ERCC3: variants seen among roughly 807,000 people sequenced by gnomAD.
ERCC3 encodes the protein ERCC excision repair 3, TFIIH core complex helicase subunit, also known as general transcription and DNA repair factor IIH helicase/translocase subunit XPB.
Under a neutral mutation model 94.2 loss-of-function variants are expected in ERCC3, and 66 were observed. The observed-to-expected ratio is 0.70, with a 90% CI of 0.57 to 0.86. The LOEUF is 0.86. ERCC3 is among the 40% of genes least tolerant of loss of function. The pLI is 0.00. For missense variants in ERCC3, 829 were observed against 987.1 expected, an observed-to-expected ratio of 0.84 and a Z score of 2.15; for synonymous variants, 349 against 369.1, an observed-to-expected ratio of 0.95 and a Z score of 0.63.
At position 127,292,685 on chromosome 2, in the gene ERCC3, T is replaced by A; in HGVS notation, c.396A>T (p.Gln132His). ...SLYAAVSVGLQTSDITEYLRK... is the reference protein window; with the variant it reads ...SLYAAVSVGLHTSDITEYLRK... ...TGAGGTACTCGGTGATGTCACTGGTTTGCAGCCCAACGCTGACAGCTGCAT... is the reference window on the plus strand; with the variant it reads ...TGAGGTACTCGGTGATGTCACTGGTATGCAGCCCAACGCTGACAGCTGCAT... Residue 132 changes from glutamine to histidine, a missense_variant, in exon 3 of 15, where the codon CAA (glutamine) becomes CAT (histidine). Transcript: ENST00000285398. 1 of 1,614,206 alleles carries A rather than the reference T, an allele frequency of 6.2e-7. No individual in the cohort carries two copies. The highest frequency in any genetic ancestry group is 8.5e-7 in the Non-Finnish European group (1 of 1,180,020).
Position 127,259,628 on chromosome 2 carries a change from C to T in ERCC3, c.2065-180G>A. 1 of 728,464 alleles carries T rather than the reference C, an allele frequency of 1.4e-6. No homozygotes were observed. Among genetic ancestry groups the T allele is most frequent in the South Asian group, 1.6e-5 (1 of 64,226 alleles). The allele number at this position is 728,464 out of a possible 1,614,324, so 45.1% of individuals were successfully genotyped here. ...GACCAGCATCAGGAGCCGCCTTTAA[C>T]AGGGAGCTTGACTAATGATCTCAAG... On this transcript the variant is annotated intron_variant, in intron 13 of 14. Transcript: ENST00000285398. This position sits in a 1 kb window ranked among gnomAD's most constrained non-coding sequence, Gnocchi z 4.9.
chr2:127,289,154 G>A (rs183878634), intron 6 of ERCC3, among the ~76,000 whole-genome samples, 183 bp downstream of exon 6: 1 of 152,208 alleles, frequency 6.6e-6, no homozygotes, highest in African/African-American at 2.4e-5. Context: ...GAGGACACTG[G>A]GACTTTAACT....
intron 10 of ERCC3, among the ~76,000 whole-genome samples, chr2:127,276,201 C>G (rs945760499): frequency 2.0e-5 from 3 of 152,278 alleles, no homozygotes; most frequent in South Asian, 4.1e-4. Context: ...AAGAAACCGT[C>G]CAGCCCAAGA....
chr2:127,292,406 T>C, intron 3 of ERCC3: 1 of 642,980 alleles, frequency 1.6e-6, no homozygotes, highest in South Asian at 1.7e-5. Flanking sequence ...ATCCAGAGTG[T>C]AGCGGCTCAT....
intron 8 of ERCC3, among the ~76,000 whole-genome samples, chr2:127,285,818 T>A (rs1053594308): frequency 1.3e-5 from 2 of 151,466 alleles, no homozygotes; most frequent in African/African-American, 4.9e-5. Flanking sequence ...ACGACTGCAC[T>A]CCAGCCTGGG....
At position 127,257,917 on chromosome 2, in the gene ERCC3, C is replaced by T. The variant is rs1400574731; in HGVS notation, c.2218-190G>A. ...TTTACATGCATTATCTCCTCTAATC[C>T]TCAAAACTACTATAATCCACACCTG... On this transcript the variant is annotated intron_variant, in intron 14 of 14. Coordinates refer to ENST00000285398, the MANE Select transcript of ERCC3 (RefSeq NM_000122.2). This position sits in a 1 kb window ranked among gnomAD's most constrained non-coding sequence, Gnocchi z 5.4. Among the ~76,000 whole-genome samples the T allele has an allele frequency of 6.6e-6, 1 of 152,052 alleles. No homozygotes were observed. Among genetic ancestry groups the T allele is most frequent in the Non-Finnish European group, 1.5e-5 (1 of 68,020 alleles).
intron 10 of ERCC3, among the ~76,000 whole-genome samples, chr2:127,278,114 T>G (rs1684789530): frequency 6.6e-6 from 1 of 151,886 alleles, no homozygotes. Context: ...GGTGCGTGCC[T>G]GTAGACCCAG....
At position 127,283,143 on chromosome 2, in the gene ERCC3, T is replaced by TG. The variant is rs374437598; in HGVS notation, c.1343-2513dup. Reference sequence around the variant, plus strand: ...AGTAAAACTGACTTGGGGCGGGGGGTGGGGGGGGCACTTCTATGCATTTTA... The same window carrying TG: ...AGTAAAACTGACTTGGGGCGGGGGGTGGGGGGGGGCACTTCTATGCATTTTA... On this transcript the variant is annotated intron_variant, in intron 8 of 14. Transcript: ENST00000285398. Among the ~76,000 whole-genome samples, 321 of 65,070 alleles carry TG rather than the reference T, an allele frequency of 4.9e-3. 1 individual carries two copies. Among genetic ancestry groups the TG allele is most frequent in the African/African-American group, 0.015 (248 of 16,152 alleles). 42.7% of individuals were successfully genotyped at this position (65,070 alleles called of 152,430 possible). A position where few individuals can be genotyped will look rare whatever the true frequency, so the allele number is the denominator to read the frequency against.
At chr2:127,268,407 C>T (rs1040838584) in intron 12 of ERCC3, among the ~76,000 whole-genome samples, 5 of 152,012 alleles carry the variant, frequency 3.3e-5, no homozygotes, top group Non-Finnish European at 7.4e-5. Flanking sequence ...TACAGGCGCA[C>T]ACCACCACAC....
At chr2:127,287,615 C>T (rs775550829) in intron 7 of ERCC3, among the ~76,000 whole-genome samples, 8 of 152,082 alleles carry the variant, frequency 5.3e-5, no homozygotes, top group Admixed American at 1.3e-4. Context: ...GCATGGGCAA[C>T]GGAGCAAGAC....
chr2:127,287,094 G>T, intron 7 of ERCC3, 77 bp from the exon 8 acceptor site: 1 of 1,138,740 alleles, frequency 8.8e-7, no homozygotes, highest in Non-Finnish European at 1.3e-6. Context: ...TGACTCACAA[G>T]TACAGCAATC....
At chr2:127,266,083 T>G (rs1361294306) in intron 12 of ERCC3, among the ~76,000 whole-genome samples, 3 of 132,364 alleles carry the variant, frequency 2.3e-5, no homozygotes, top group African/African-American at 5.8e-5. Context: ...ATTGTGTGGG[T>G]TTTTTTTTTT....
At chr2:127,293,945 A>C in intron 1 of ERCC3, 109 bp downstream of exon 1, 1 of 1,538,400 alleles carries the variant, frequency 6.5e-7, no homozygotes, top group Non-Finnish European at 8.7e-7. Flanking sequence ...TGCGCGCGGG[A>C]GGGCCAGCAG....
Position 127,292,649 on chromosome 2 carries a change from G to A in ERCC3, c.432C>T (p.Ser144=). Residue 144 remains serine, a synonymous_variant, in exon 3 of 15, where the codon AGC becomes AGT. Coordinates refer to ENST00000285398, the MANE Select transcript of ERCC3 (RefSeq NM_000122.2). ...SDITEYLRKL[S]KTGVPDGIMQ... ...TAATTCCATCAGGGACTCCAGTCTT[G>A]CTGAGCTTCCTGAGGTACTCGGTGA... The A allele has an allele frequency of 6.2e-7, 1 of 1,613,998 alleles. No homozygotes were observed. The highest frequency in any genetic ancestry group is 8.5e-7 in the Non-Finnish European group (1 of 1,179,864).
intron 12 of ERCC3, chr2:127,261,600 T>C (rs951127156): frequency 8.3e-6 from 4 of 480,052 alleles, no homozygotes; most frequent in Non-Finnish European, 1.5e-5. Flanking sequence ...GATTTGTATC[T>C]AGGTTATACA....
At chr2:127,273,891 G>C (rs568085627) in intron 10 of ERCC3, among the ~76,000 whole-genome samples, 1 of 151,906 alleles carries the variant, frequency 6.6e-6, no homozygotes, top group East Asian at 1.9e-4. Context: ...ACGGTGGACA[G>C]TTTTTGTAGC....
At chr2:127,263,375 T>G (rs1315945853) in intron 12 of ERCC3, among the ~76,000 whole-genome samples, 1 of 152,208 alleles carries the variant, frequency 6.6e-6, no homozygotes, top group African/African-American at 2.4e-5. Flanking sequence ...TGTCTTTTGT[T>G]TTTACAGCTA....
At chr2:127,260,770 T>A (rs1684167030) in intron 13 of ERCC3, 1 of 204,910 alleles carries the variant, frequency 4.9e-6, no homozygotes, top group Non-Finnish European at 1.0e-5. Flanking sequence ...AAACGTAATA[T>A]TTGTGTAACA....
Position 127,294,021 on chromosome 2 carries a change from G to T in ERCC3, c.28+33C>A. ...GCGGGGGGCAGGGCCGGCAAGGGCAGTCGTGGCTGAGCGTGCCCGCGCAAC... is the reference window on the plus strand; with the variant it reads ...GCGGGGGGCAGGGCCGGCAAGGGCATTCGTGGCTGAGCGTGCCCGCGCAAC... On this transcript the variant is annotated intron_variant, in intron 1 of 14. Coordinates refer to ENST00000285398, the MANE Select transcript of ERCC3 (RefSeq NM_000122.2). The T allele has an allele frequency of 1.9e-6, 3 of 1,601,966 alleles. No individual in the cohort carries two copies. The South Asian group carries it at 3.3e-5, about 18-fold the overall frequency.
Sources: gnomAD v4.1 joint callset for allele counts (sites outside exome capture counted in the v4.1 genomes callset) on GRCh38, gnomAD v4.1.1 for gene constraint, Gnocchi (gnomAD v3.1) non-coding constraint, MANE v1.5 for transcripts, NCBI Gene and HGNC (gene_info 2026-07-23, HGNC 2026-07-21) for gene names.